The following MCC variants were observed in gnomAD, a reference collection of about 807,000 sequenced individuals.
MCC encodes the protein MCC regulator of Wnt signaling pathway.
Under a neutral mutation model 116.2 loss-of-function variants are expected in MCC, and 90 were observed. That is an observed-to-expected ratio of 0.77 (90% CI 0.65 to 0.92). MCC has a LOEUF of 0.92. Among genes scored for constraint, MCC ranks in the 40% least tolerant of loss-of-function variants. MCC has a pLI of 0.00. For missense variants in MCC, 1,516 were observed against 1,312.2 expected, an observed-to-expected ratio of 1.16 and a Z score of -2.40; for synonymous variants, 578 against 510.5, an observed-to-expected ratio of 1.13 and a Z score of -1.78.
rs1766636346 is a variant in MCC, at chr5:113,294,366, A to G, written c.627+46153T>C. 11 of 1,613,626 alleles carry G rather than the reference A, an allele frequency of 6.8e-6. No homozygotes were observed. The East Asian group carries it at 2.2e-4, about 33-fold the overall frequency. The stretch of plus-strand genomic sequence containing the variant: ...GGCCGAGGAGTCGTTTCCATATTTC[A>G]TGGCAACTCCGGAATTCATGATGCA... On this transcript the variant is annotated intron_variant, in intron 3 of 18. Coordinates refer to ENST00000408903, the MANE Select transcript of MCC (RefSeq NM_001085377.2).
intron 2 of MCC, among the ~76,000 whole-genome samples, chr5:113,354,797 T>TTAC (rs1768369783): frequency 6.9e-6 from 1 of 145,388 alleles, no homozygotes; most frequent in African/African-American, 2.7e-5. Flanking sequence ...ATTATTATTA[T>TTAC]TATTATTATT....
chr5:113,194,911 T>A (rs141330491), intron 3 of MCC, among the ~76,000 whole-genome samples: 99 of 152,264 alleles, frequency 6.5e-4, no homozygotes, highest in Non-Finnish European at 1.3e-3. Flanking sequence ...AAAGAGAACA[T>A]GGCCCCCACA....
Position 113,074,298 on chromosome 5 carries a change from A to G in MCC, c.1785-3064T>C, listed in dbSNP as rs188745098. ...TGGAGTGGACCTCCAGCAAACTCCAACAGACCTGCAGCTGAGGGTCCTGAC... is the reference window on the plus strand; with the variant it reads ...TGGAGTGGACCTCCAGCAAACTCCAGCAGACCTGCAGCTGAGGGTCCTGAC... On this transcript the variant is annotated intron_variant, in intron 11 of 18. Transcript: ENST00000408903. Among the ~76,000 whole-genome samples the G allele has an allele frequency of 2.5e-3, 387 of 152,334 alleles. 2 individuals are homozygous for G. Among genetic ancestry groups the G allele is most frequent in the African/African-American group, 8.8e-3 (364 of 41,582 alleles).
At chr5:113,278,353 T>G (rs1765905060) in intron 3 of MCC, among the ~76,000 whole-genome samples, 1 of 152,160 alleles carries the variant, frequency 6.6e-6, no homozygotes, top group African/African-American at 2.4e-5. Context: ...CAGGCACTAT[T>G]AGGCACTATG....
In MCC at chr5:113,434,838, A is replaced by G. The variant is rs554518333; in HGVS notation, c.171-49626T>C. 5.6e-6 allele frequency: 9 copies of G among 1,604,902 alleles called. No individual in the cohort carries two copies. Among genetic ancestry groups the G allele is most frequent in the Non-Finnish European group, 7.7e-6 (9 of 1,173,814 alleles). On this transcript the variant is annotated intron_variant, in intron 1 of 18. Coordinates refer to ENST00000408903, the MANE Select transcript of MCC (RefSeq NM_001085377.2). This position sits in a 1 kb window ranked among gnomAD's most constrained non-coding sequence, Gnocchi z 4.2. ...TCGCTTGAGGACAGCAGCGTCATCCATGGTGCCAGGAATGCCCAGTGCCTC... is the reference window on the plus strand; with the variant it reads ...TCGCTTGAGGACAGCAGCGTCATCCGTGGTGCCAGGAATGCCCAGTGCCTC...
chr5:113,147,152 T>C (rs768161532), intron 4 of MCC, among the ~76,000 whole-genome samples: 11 of 152,222 alleles, frequency 7.2e-5, no homozygotes, highest in Non-Finnish European at 1.3e-4. Flanking sequence ...TAAACATGCA[T>C]ATAAATACTT....
intron 1 of MCC, among the ~76,000 whole-genome samples, chr5:113,465,631 G>A (rs970384344): frequency 2.0e-5 from 3 of 152,132 alleles, no homozygotes; most frequent in African/African-American, 7.2e-5. Flanking sequence ...AAAAGATTAG[G>A]ATCTCTAATA....
At chr5:113,342,204 T>G (rs569473873) in intron 2 of MCC, among the ~76,000 whole-genome samples, 51 of 152,364 alleles carry the variant, frequency 3.3e-4, no homozygotes, top group Admixed American at 5.9e-4. Flanking sequence ...TATTTCATGA[T>G]GTATATATAC....
intron 14 of MCC, among the ~76,000 whole-genome samples, chr5:113,056,678 G>A (rs1176447487): frequency 1.3e-5 from 2 of 152,164 alleles, no homozygotes; most frequent in Middle Eastern, 6.8e-3. Context: ...TCCATGACAT[G>A]AGTTTACCTA....
chr5:113,187,555 G>C (rs1761951964), intron 3 of MCC, among the ~76,000 whole-genome samples: 1 of 151,986 alleles, frequency 6.6e-6, no homozygotes, highest in Admixed American at 6.6e-5. Flanking sequence ...AGAAAAGAAA[G>C]CTGTAATAAA....
chr5:113,326,301 T>A (rs1325544004), intron 3 of MCC, among the ~76,000 whole-genome samples: 1 of 152,210 alleles, frequency 6.6e-6, no homozygotes, highest in African/African-American at 2.4e-5. Flanking sequence ...TTGGGTGCTG[T>A]CTTAGTCCAC....
Position 113,488,421 on chromosome 5 carries a change from G to T in MCC, c.-7C>A. ...CCGCCGCGGCCGCCATCATGCGCCC[G>T]CTCCCTACTTGGGAGGAGGAGTACG... On this transcript the variant is annotated 5_prime_UTR_variant, in exon 1 of 19. Transcript: ENST00000408903. 1 of 1,402,746 alleles carries T rather than the reference G, an allele frequency of 7.1e-7. No homozygotes were observed. Among genetic ancestry groups the T allele is most frequent in the Non-Finnish European group, 9.2e-7 (1 of 1,091,658 alleles). 86.9% of individuals were successfully genotyped at this position (1,402,746 alleles called of 1,614,324 possible).
chr5:113,036,127 C>A (rs907614555), intron 17 of MCC, among the ~76,000 whole-genome samples: 1 of 137,498 alleles, frequency 7.3e-6, no homozygotes, highest in African/African-American at 2.7e-5. Context: ...ACCTCCAACC[C>A]CTAGGGTTCA....
At chr5:113,254,607 G>T (rs971061218) in intron 3 of MCC, among the ~76,000 whole-genome samples, 1 of 152,132 alleles carries the variant, frequency 6.6e-6, no homozygotes, top group Non-Finnish European at 1.5e-5. Flanking sequence ...ATGATCCTAA[G>T]CCACTAACCA....
At position 113,084,182 on chromosome 5, in the gene MCC, C is replaced by G. The variant is rs2150243930; in HGVS notation, c.1554G>C (p.Glu518Asp). 1 of 1,613,882 alleles carries G rather than the reference C, an allele frequency of 6.2e-7. No individual in the cohort carries two copies. The highest frequency in any genetic ancestry group is 1.1e-5 in the South Asian group (1 of 91,080). The change falls in exon 10 of 19, where the codon GAG becomes GAC. Residue 518 changes from glutamate (E) to aspartate (D), a missense_variant. By Grantham distance (45) the Glu-to-Asp change is conservative. Coordinates refer to ENST00000408903, the MANE Select transcript of MCC (RefSeq NM_001085377.2). ...SNDIPIAKIA[E>D]RVKLSKTRSE... ...ACCTTGTCTTTGATAGCTTCACCCT[C>G]TCAGCAATCTTAAAAAAGAAAACAA...
chr5:113,119,355 G>C (rs1308303866), intron 6 of MCC, among the ~76,000 whole-genome samples: 1 of 152,170 alleles, frequency 6.6e-6, no homozygotes, highest in Non-Finnish European at 1.5e-5. Context: ...GAGGGATGAG[G>C]CATGACTCTA....
intron 5 of MCC, among the ~76,000 whole-genome samples, chr5:113,124,230 A>T (rs1335858568): frequency 1.3e-5 from 2 of 152,242 alleles, no homozygotes; most frequent in Non-Finnish European, 2.9e-5. Flanking sequence ...TAATTATTAG[A>T]CATCTGCAAA....
At chr5:113,119,581 G>T (rs78136219) in intron 6 of MCC, among the ~76,000 whole-genome samples, 5 of 152,196 alleles carry the variant, frequency 3.3e-5, no homozygotes, top group Non-Finnish European at 7.3e-5. Flanking sequence ...TGCGTGCTGA[G>T]GAAGCTAGAA....
intron 3 of MCC, among the ~76,000 whole-genome samples, chr5:113,235,033 T>G (rs11952116): frequency 0.024 from 3,638 of 152,308 alleles, 151 homozygotes; most frequent in African/African-American, 0.083. Context: ...TCCTAAAATG[T>G]TCCTTGTAAG....
Sources: gnomAD v4.1 joint callset for allele counts (sites outside exome capture counted in the v4.1 genomes callset) on GRCh38, gnomAD v4.1.1 for gene constraint, Gnocchi (gnomAD v3.1) non-coding constraint, MANE v1.5 for transcripts, NCBI Gene and HGNC (gene_info 2026-07-23, HGNC 2026-07-21) for gene names.